Variants in JPT2 observed in about 807,000 individuals in gnomAD.
JPT2 encodes the protein Jupiter microtubule associated homolog 2, also known as CRAMP_1 like.
A neutral mutation model predicts 15.9 loss-of-function variants in JPT2; 9 were observed. The ratio of observed to expected loss-of-function variants is 0.57; its 90% CI spans 0.34 to 0.99. JPT2 has a LOEUF of 0.99. Ranked by LOEUF, JPT2 falls within the 50% of genes least tolerant of loss-of-function variation. The pLI is 0.02. For synonymous variants in JPT2, 95 were observed against 91.7 expected, an observed-to-expected ratio of 1.04 and a Z score of -0.21; for missense variants, 267 against 252.1, an observed-to-expected ratio of 1.06 and a Z score of -0.40.
At chr16:1,693,790 A>T (rs2037121847) in intron 3 of JPT2, among the ~76,000 whole-genome samples, 1 of 151,638 alleles carries the variant, frequency 6.6e-6, no homozygotes, top group African/African-American at 2.4e-5. Flanking sequence ...AATGCCAGAA[A>T]ATGAGGAAGC....
In JPT2 at chr16:1,683,518, A is replaced by G. The variant is rs1177569544; in HGVS notation, c.45-1921A>G. 2.0e-6 allele frequency: 3 copies of G among 1,534,406 alleles called. No homozygotes were observed. In the African/African-American group the frequency reaches 4.1e-5, roughly 21 times the overall value. Reference sequence around the variant, plus strand: ...TCCTCAAATCCTCCAGGAAATGGCAACTGCTGACAGGAAGTTTGGCATCCA... The same window carrying G: ...TCCTCAAATCCTCCAGGAAATGGCAGCTGCTGACAGGAAGTTTGGCATCCA... On this transcript the variant is annotated intron_variant, in intron 1 of 4. Coordinates refer to ENST00000248098, the MANE Select transcript of JPT2 (RefSeq NM_144570.3).
rs745987115 is a variant in JPT2 at position 1,698,778 on chromosome 16, A to T, written c.386-33A>T. 4 of 1,588,236 alleles carry T rather than the reference A, an allele frequency of 2.5e-6. No individual in the cohort carries two copies. Among genetic ancestry groups the T allele is most frequent in the Middle Eastern group, 1.7e-4 (1 of 5,916 alleles). Reference sequence around the variant, plus strand: ...CCTGTCAGGGTCATGGGTTGCCTCTAATGGGATGTTGTTCTAACTTTGTGT... The same window carrying T: ...CCTGTCAGGGTCATGGGTTGCCTCTTATGGGATGTTGTTCTAACTTTGTGT... On this transcript the variant is annotated intron_variant, in intron 4 of 4. Coordinates refer to ENST00000248098, the MANE Select transcript of JPT2 (RefSeq NM_144570.3). The surrounding 1 kb of genome is among the most constrained non-coding windows in gnomAD (Gnocchi z 4.9).
intron 1 of JPT2, among the ~76,000 whole-genome samples, chr16:1,684,355 C>T (rs764589309): frequency 6.6e-6 from 1 of 152,136 alleles, no homozygotes; most frequent in Non-Finnish European, 1.5e-5. Flanking sequence ...ATGAATTCAG[C>T]GTTTCACCGG....
rs1432968112 is a variant in JPT2, at chr16:1,698,581, A to AT, written c.386-227dup. 1.3e-5 allele frequency among the ~76,000 whole-genome samples: 2 copies of AT among 152,230 alleles called. No individual in the cohort carries two copies. The highest frequency in any genetic ancestry group is 2.9e-5 in the Non-Finnish European group (2 of 68,038). The stretch of plus-strand genomic sequence containing the variant: ...TTCACTTAGGAAGAAATCAAGGAGT[A>AT]TTTACAGTAGCAAGCCCCAACTTTA... On this transcript the variant is annotated intron_variant, in intron 4 of 4. Coordinates refer to ENST00000248098, the MANE Select transcript of JPT2 (RefSeq NM_144570.3). The surrounding 1 kb of genome is among the most constrained non-coding windows in gnomAD (Gnocchi z 4.9).
rs946723694 is a variant in JPT2, at chr16:1,699,851, T to C, written c.*853T>C. 1.0e-5 allele frequency: 3 copies of C among 287,718 alleles called. No individual in the cohort carries two copies. The highest frequency in any genetic ancestry group is 2.2e-5 in the African/African-American group (1 of 46,102). 17.8% of individuals were successfully genotyped at this position (287,718 alleles called of 1,614,324 possible). A position where few individuals can be genotyped will look rare whatever the true frequency, so the allele number is the denominator to read the frequency against. On this transcript the variant is annotated 3_prime_UTR_variant, in exon 5 of 5. Transcript: ENST00000248098. ...CCCATAAATGAGGCCCGCTGACCTCTGCGGGACTTTAAAAATCTATTCAGA... is the reference window on the plus strand; with the variant it reads ...CCCATAAATGAGGCCCGCTGACCTCCGCGGGACTTTAAAAATCTATTCAGA...
chr16:1,692,079 G>A (rs1567471004), intron 3 of JPT2, 94 bp downstream of exon 3: 1 of 1,473,424 alleles, frequency 6.8e-7, no homozygotes, highest in African/African-American at 1.4e-5. Context: ...TGTTTTTAGG[G>A]AGAATCATGG....
chr16:1,685,800 T>C (rs554380515), intron 2 of JPT2: 1 of 469,022 alleles, frequency 2.1e-6, no homozygotes, highest in South Asian at 3.9e-5. Flanking sequence ...CTGGAGACTT[T>C]GGTTGAATAC....
intron 3 of JPT2, among the ~76,000 whole-genome samples, chr16:1,695,399 C>T (rs1322486878): frequency 6.8e-6 from 1 of 146,878 alleles, no homozygotes; most frequent in Non-Finnish European, 1.5e-5. Context: ...GAGCGAAACT[C>T]CGTCCCAAAA....
In JPT2 at chr16:1,683,219, G is replaced by T. The variant is rs192495684; in HGVS notation, c.45-2220G>T. On this transcript the variant is annotated intron_variant, in intron 1 of 4. Transcript: ENST00000248098. ...TCTCGATCTCCTGACCTCGTGATCC[G>T]CCCACCTCGGCCTCCCAAGGTGCTG... is the stretch of plus-strand genomic sequence containing the variant. Among the ~76,000 whole-genome samples the T allele has an allele frequency of 8.6e-5, 13 of 151,918 alleles. No homozygotes were observed. In the East Asian group the frequency reaches 2.5e-3, roughly 30 times the overall value.
chr16:1,685,354 C>T, intron 1 of JPT2, 85 bp from the exon 2 acceptor site: 2 of 1,393,088 alleles, frequency 1.4e-6, no homozygotes, highest in Non-Finnish European at 2.0e-6. Context: ...AATACTTTTA[C>T]CCTGTCTAGT....
At chr16:1,687,052 G>A (rs1378546769) in intron 2 of JPT2, among the ~76,000 whole-genome samples, 1 of 152,258 alleles carries the variant, frequency 6.6e-6, no homozygotes, top group Non-Finnish European at 1.5e-5. Context: ...TCACCACCAT[G>A]ACTCACTGCA....
rs770849275 is a variant in JPT2 at position 1,691,992 on chromosome 16, A to G, written c.336+7A>G. The G allele has an allele frequency of 1.9e-6, 3 of 1,614,008 alleles. No individual in the cohort carries two copies. The highest frequency in any genetic ancestry group is 2.2e-5 in the South Asian group (2 of 91,088). The stretch of plus-strand genomic sequence containing the variant: ...ACACCCAAACAAACCCAAGGTATGG[A>G]CTGCATTCAGACGTGACAGCGCAGC... On this transcript the variant is annotated splice_region_variant and intron_variant, in intron 3 of 4. Coordinates refer to ENST00000248098, the MANE Select transcript of JPT2 (RefSeq NM_144570.3).
chr16:1,695,891 C>G (rs1419463675), intron 3 of JPT2, among the ~76,000 whole-genome samples: 1 of 151,998 alleles, frequency 6.6e-6, no homozygotes, highest in Non-Finnish European at 1.5e-5. Context: ...ATAAATAGGT[C>G]TTCATTAAAG....
downstream of JPT2, among the ~76,000 whole-genome samples, chr16:1,702,612 C>G (rs556262859): frequency 2.0e-5 from 3 of 152,346 alleles, no homozygotes; most frequent in African/African-American, 7.2e-5. Flanking sequence ...TGGTAGGTCA[C>G]ACCCTGTGAG....
intron 1 of JPT2, among the ~76,000 whole-genome samples, chr16:1,679,374 G>A (rs566287795): frequency 6.6e-4 from 100 of 152,286 alleles, no homozygotes; most frequent in South Asian, 4.6e-3. Flanking sequence ...CTAAGTAAAA[G>A]AATTGCTCCA....
downstream of JPT2, chr16:1,702,288 G>A (rs140374098): frequency 3.4e-5 from 14 of 406,276 alleles, no homozygotes; most frequent in African/African-American, 2.3e-4. Context: ...CTGAAACACC[G>A]TCTTCACTTG....
chr16:1,680,013 C>G (rs535189416), intron 1 of JPT2, among the ~76,000 whole-genome samples: 1 of 148,606 alleles, frequency 6.7e-6, no homozygotes, highest in East Asian at 2.0e-4. Context: ...GAGCCGAGAT[C>G]ACACCACTGC....
At chr16:1,692,086 A>G in intron 3 of JPT2, 101 bp downstream of exon 3, 6 of 1,427,574 alleles carry the variant, frequency 4.2e-6, no homozygotes, top group Non-Finnish European at 5.8e-6. Flanking sequence ...AGGGAGAATC[A>G]TGGTGGGTGC....
rs536712790 is a variant in JPT2 at position 1,699,142 on chromosome 16, A to C, written c.*144A>C. On this transcript the variant is annotated 3_prime_UTR_variant, in exon 5 of 5. Transcript: ENST00000248098. ...GGCTGCTCAGCGTCTCCTGGCCGTCATGACAGCTGCTTGGAGACCCGTGCC... is the reference window on the plus strand; with the variant it reads ...GGCTGCTCAGCGTCTCCTGGCCGTCCTGACAGCTGCTTGGAGACCCGTGCC... The C allele has an allele frequency of 8.1e-6, 7 of 860,750 alleles. No homozygotes were observed. Among genetic ancestry groups the C allele is most frequent in the Non-Finnish European group, 1.3e-5 (7 of 526,970 alleles). 53.3% of individuals were successfully genotyped at this position (860,750 alleles called of 1,614,324 possible).
Sources: gnomAD v4.1 joint callset for allele counts (sites outside exome capture counted in the v4.1 genomes callset) on GRCh38, gnomAD v4.1.1 for gene constraint, Gnocchi (gnomAD v3.1) non-coding constraint, MANE v1.5 for transcripts, NCBI Gene and HGNC (gene_info 2026-07-23, HGNC 2026-07-21) for gene names.